Variants in LRRTM4 observed in about 807,000 individuals in gnomAD.
The protein encoded by LRRTM4 is leucine rich repeat transmembrane neuronal 4.
In LRRTM4, 25 loss-of-function variants were observed where a neutral mutation model predicts 47.6. The ratio of observed to expected loss-of-function variants is 0.53; its 90% confidence interval spans 0.38 to 0.73. LRRTM4 has a LOEUF of 0.73. Ranked by LOEUF, LRRTM4 falls within the 30% of genes least tolerant of loss-of-function variation. The probability of loss-of-function intolerance (pLI) is 0.00; values close to 1 mark genes in which losing one functional copy is unlikely to be tolerated. For missense variants in LRRTM4, 638 were observed against 713.4 expected (o/e 0.89, Z 1.20); for synonymous variants, 311 against 269.5 (o/e 1.15, Z -1.51).
chr2:76,748,302 A>AC lies in LRRTM4; in HGVS notation c.*392dup, dbSNP rs1041324665. On this transcript the variant is annotated 3_prime_UTR_variant, in exon 4 of 4. Coordinates refer to ENST00000409884, the MANE Select transcript of LRRTM4 (RefSeq NM_001134745.3). ...AAAACGGTTGTTTCCCTAGCTTCCC[A>AC]CCCACCCCTGTTTATTTGCTCCCCT... 6.0e-6 allele frequency: 1 copy of AC among 166,252 alleles called. No individual in the cohort carries two copies. The highest frequency in any genetic ancestry group is 5.9e-5 in the Admixed American group (1 of 16,838). 10.3% of individuals were successfully genotyped at this position (166,252 alleles called of 1,614,324 possible).
In LRRTM4 at chr2:76,995,920, C is replaced by G. The variant is rs543386503; in HGVS notation, c.1552-247004G>C. Among the ~76,000 whole-genome samples the G allele has an allele frequency of 8.5e-5, 13 of 152,084 alleles. No homozygotes were observed. In the East Asian group the frequency reaches 2.1e-3, roughly 25 times the overall value. Reference sequence around the variant, plus strand: ...AAAGCACAGAGAAAAAAACTAGTAACTTAAGAATACTATTTAAAAAACTCA... The same window carrying G: ...AAAGCACAGAGAAAAAAACTAGTAAGTTAAGAATACTATTTAAAAAACTCA... On this transcript the variant is annotated intron_variant, in intron 3 of 3. Coordinates refer to ENST00000409884, the MANE Select transcript of LRRTM4 (RefSeq NM_001134745.3).
At chr2:76,795,769 A>C (rs1197700888) in intron 3 of LRRTM4, among the ~76,000 whole-genome samples, 1 of 152,074 alleles carries the variant, frequency 6.6e-6, no homozygotes, top group Non-Finnish European at 1.5e-5. Flanking sequence ...CTGACACCAA[A>C]GCCAGATCAG....
chr2:77,091,263 A>G (rs544406079), intron 3 of LRRTM4, among the ~76,000 whole-genome samples: 61 of 149,688 alleles, frequency 4.1e-4, no homozygotes, highest in African/African-American at 1.5e-3. Flanking sequence ...ACCTTAACCC[A>G]CAAGTATAAG....
intron 3 of LRRTM4, among the ~76,000 whole-genome samples, chr2:77,005,039 G>A (rs1444069671): frequency 1.3e-5 from 2 of 152,132 alleles, no homozygotes; most frequent in Admixed American, 6.6e-5. Context: ...GCTCCTAGAT[G>A]GAAGGGACTT....
At chr2:77,232,650 T>G (rs908853694) in intron 3 of LRRTM4, among the ~76,000 whole-genome samples, 1 of 152,214 alleles carries the variant, frequency 6.6e-6, no homozygotes. Flanking sequence ...ATTTCCCTAT[T>G]ATTTTGCCAA....
chr2:76,784,961 G>GTGC (rs1393381613), intron 3 of LRRTM4, among the ~76,000 whole-genome samples: 1 of 152,070 alleles, frequency 6.6e-6, no homozygotes, highest in Non-Finnish European at 1.5e-5. Context: ...TTGCACTTCA[G>GTGC]AATGTATCAC....
intron 3 of LRRTM4, among the ~76,000 whole-genome samples, chr2:76,899,338 CACACACACACACACAT>C (rs1369940669): frequency 2.2e-4 from 32 of 148,190 alleles, no homozygotes; most frequent in African/African-American, 7.9e-4. Context: ...CACACACACA[CACACACACACACACAT>C]ATATATATAT....
intron 3 of LRRTM4, among the ~76,000 whole-genome samples, chr2:77,001,139 GCTGA>G (rs376271329): frequency 5.9e-5 from 9 of 152,240 alleles, no homozygotes; most frequent in African/African-American, 2.2e-4. Context: ...CCATTGAAGT[GCTGA>G]CTTTTAGGGC....
At chr2:76,878,976 A>T (rs1225696886) in intron 3 of LRRTM4, among the ~76,000 whole-genome samples, 1 of 152,164 alleles carries the variant, frequency 6.6e-6, no homozygotes, top group Admixed American at 6.6e-5. Context: ...CAAGTCCCTA[A>T]ATCTCTTCAA....
chr2:77,518,980 C>T lies in LRRTM4; in HGVS notation c.889G>A (p.Val297Ile), dbSNP rs1679357724. 6.2e-7 allele frequency: 1 copy of T among 1,611,750 alleles called. No homozygotes were observed. Among genetic ancestry groups the T allele is most frequent in the South Asian group, 1.1e-5 (1 of 90,864 alleles). ...NKLTNISQETVNAWISLISIT... is the reference protein window; with the variant it reads ...NKLTNISQETINAWISLISIT... ...GATATTAATGATATCCACGCATTGA[C>T]AGTTTCCTGTGAGATATTGGTGAGC... Residue 297 changes from valine (V) to isoleucine (I), a missense_variant, in exon 3 of 4, where the codon GTC becomes ATC. Transcript: ENST00000409884.
chr2:77,299,272 C>CAT (rs200376993), intron 3 of LRRTM4, among the ~76,000 whole-genome samples: 3,354 of 87,490 alleles, frequency 0.038, 142 homozygotes, highest in African/African-American at 0.094. Context: ...CACACACACA[C>CAT]ACACACACAC....
chr2:76,793,308 CAA>C (rs1244760578), intron 3 of LRRTM4, among the ~76,000 whole-genome samples: 1 of 152,102 alleles, frequency 6.6e-6, no homozygotes, highest in East Asian at 1.9e-4. Flanking sequence ...GGTTAGCAAA[CAA>C]ATGCCTCTGG....
chr2:77,219,148 A>C (rs962840545), intron 3 of LRRTM4, among the ~76,000 whole-genome samples: 3 of 152,194 alleles, frequency 2.0e-5, no homozygotes, highest in Admixed American at 6.6e-5. Flanking sequence ...TGCAATGTTT[A>C]GCCTGACATC....
chr2:76,790,792 TTCAC>T, intron 3 of LRRTM4, among the ~76,000 whole-genome samples: 2 of 152,060 alleles, frequency 1.3e-5, no homozygotes, highest in Non-Finnish European at 2.9e-5. Context: ...TTGATATAAT[TTCAC>T]TGTTTCTGCC....
At chr2:77,127,269 T>C (rs1380717819) in intron 3 of LRRTM4, among the ~76,000 whole-genome samples, 1 of 152,240 alleles carries the variant, frequency 6.6e-6, no homozygotes, top group Non-Finnish European at 1.5e-5. Flanking sequence ...TCTCACATAC[T>C]TTTAAATACT....
chr2:76,928,608 G>T (rs920107854), intron 3 of LRRTM4, among the ~76,000 whole-genome samples: 22 of 152,102 alleles, frequency 1.4e-4, no homozygotes, highest in African/African-American at 5.3e-4. Context: ...GAATAAAGCT[G>T]CTGGTGCTGG....
At chr2:77,180,247 C>T (rs1189645385) in intron 3 of LRRTM4, among the ~76,000 whole-genome samples, 2 of 152,064 alleles carry the variant, frequency 1.3e-5, no homozygotes, top group Non-Finnish European at 2.9e-5. Flanking sequence ...TCCCTGAGTC[C>T]CAGTACAGTT....
intron 3 of LRRTM4, among the ~76,000 whole-genome samples, chr2:77,472,112 C>T (rs936046652): frequency 2.0e-5 from 3 of 152,050 alleles, no homozygotes; most frequent in African/African-American, 7.2e-5. Context: ...TGTATACCAC[C>T]TTTTTACGTT....
intron 3 of LRRTM4, among the ~76,000 whole-genome samples, chr2:77,039,007 C>CT (rs1390186237): frequency 6.6e-6 from 1 of 151,154 alleles, no homozygotes; most frequent in African/African-American, 2.4e-5. Flanking sequence ...CAACAGACCT[C>CT]TAAAAACCCC....
Sources: gnomAD v4.1 joint callset for allele counts (sites outside exome capture counted in the v4.1 genomes callset) on GRCh38, gnomAD v4.1.1 for gene constraint, MANE v1.5 for transcripts, NCBI Gene and HGNC (gene_info 2026-07-23, HGNC 2026-07-21) for gene names.